The following ANAPC10 variants were observed in gnomAD, a reference collection of about 807,000 sequenced individuals.
The protein encoded by ANAPC10 is anaphase promoting complex subunit 10, also known as anaphase-promoting complex subunit 10.
Under a neutral mutation model 22.0 loss-of-function variants are expected in ANAPC10, and 12 were observed. That is an observed-to-expected ratio of 0.55 (90% CI 0.35 to 0.88). The LOEUF is 0.88. Among genes scored for constraint, ANAPC10 ranks in the 40% least tolerant of loss-of-function variants. ANAPC10 has a pLI of 0.01. For missense variants in ANAPC10, 188 were observed against 220.9 expected, an observed-to-expected ratio of 0.85 and a Z score of 0.94; for synonymous variants, 65 against 69.5, an observed-to-expected ratio of 0.94 and a Z score of 0.32.
intron 4 of ANAPC10, chr4:145,053,802 TG>T: frequency 1.6e-6 from 1 of 641,910 alleles, no homozygotes; most frequent in Non-Finnish European, 2.8e-6. Flanking sequence ...AAAAGGTTCC[TG>T]ACTAGGCTCA....
chr4:145,082,686 A>C (rs1311757192), intron 2 of ANAPC10, among the ~76,000 whole-genome samples: 1 of 152,208 alleles, frequency 6.6e-6, no homozygotes, highest in Non-Finnish European at 1.5e-5. Context: ...ATTTACCCAG[A>C]ATCCCATGTT....
At chr4:144,998,932 A>G (rs62343142) in intron 4 of ANAPC10, among the ~76,000 whole-genome samples, 42,441 of 152,066 alleles carry the variant, frequency 0.28, 7,443 homozygotes, top group Non-Finnish European at 0.38. Flanking sequence ...TGATAAAGCA[A>G]TATCACCACT....
intron 4 of ANAPC10, among the ~76,000 whole-genome samples, chr4:145,056,265 C>T (rs375440822): frequency 4.3e-4 from 65 of 152,294 alleles, no homozygotes; most frequent in African/African-American, 1.5e-3. Context: ...ACGAGAGTGA[C>T]CTCTGGTAGT....
At chr4:145,063,545 C>T (rs1184279251) in intron 4 of ANAPC10, among the ~76,000 whole-genome samples, 1 of 152,086 alleles carries the variant, frequency 6.6e-6, no homozygotes, top group Non-Finnish European at 1.5e-5. Context: ...TAACTGGAGG[C>T]CTTTCAAAGA....
At chr4:145,000,371 C>T (rs998064966) in intron 4 of ANAPC10, among the ~76,000 whole-genome samples, 4 of 151,626 alleles carry the variant, frequency 2.6e-5, no homozygotes, top group Non-Finnish European at 5.9e-5. Context: ...AAAAAAAAAC[C>T]ATCAAAAAGT....
Position 145,015,225 on chromosome 4 carries a change from T to C in ANAPC10, c.328-19622A>G, listed in dbSNP as rs193114899. ...GTGAAAGGAGAGATATTCAAGGAAATAGATAGCATAAAGAAAAAACAATCA... is the reference window on the plus strand; with the variant it reads ...GTGAAAGGAGAGATATTCAAGGAAACAGATAGCATAAAGAAAAAACAATCA... On this transcript the variant is annotated intron_variant, in intron 4 of 4. Coordinates refer to ENST00000507656, the MANE Select transcript of ANAPC10 (RefSeq NM_001256706.2). 4.3e-4 allele frequency among the ~76,000 whole-genome samples: 65 copies of C among 151,852 alleles called. No homozygotes were observed. In the East Asian group the frequency reaches 0.012, roughly 29 times the overall value.
intron 4 of ANAPC10, among the ~76,000 whole-genome samples, chr4:145,040,984 C>A (rs17019852): frequency 0.24 from 36,322 of 151,804 alleles, 5,404 homozygotes; most frequent in East Asian, 0.45. Context: ...TACAGATCTA[C>A]GCAGAGGTAA....
intron 4 of ANAPC10, among the ~76,000 whole-genome samples, chr4:144,997,141 G>A (rs1215414002): frequency 1.3e-5 from 2 of 152,306 alleles, no homozygotes; most frequent in Non-Finnish European, 1.5e-5. Flanking sequence ...CGGCCAGAAT[G>A]GAACCAAGGT....
At chr4:145,044,058 CT>C (rs1487773970) in intron 4 of ANAPC10, among the ~76,000 whole-genome samples, 2 of 152,080 alleles carry the variant, frequency 1.3e-5, no homozygotes, top group African/African-American at 2.4e-5. Context: ...CTTCCCAACA[CT>C]TTCCCCCTTC....
At chr4:145,043,107 A>T (rs548464539) in intron 4 of ANAPC10, among the ~76,000 whole-genome samples, 1 of 152,022 alleles carries the variant, frequency 6.6e-6, no homozygotes, top group Admixed American at 6.6e-5. Flanking sequence ...AAACAGTATT[A>T]TTTGCTAAAA....
intron 4 of ANAPC10, among the ~76,000 whole-genome samples, chr4:145,054,628 TGTGTG>T (rs1741692189): frequency 1.6e-5 from 2 of 127,690 alleles, no homozygotes; most frequent in Non-Finnish European, 3.4e-5. Flanking sequence ...TGTGTGTGTG[TGTGTG>T]TGTGTGTGCG....
intron 3 of ANAPC10, among the ~76,000 whole-genome samples, chr4:145,071,924 CA>C (rs747879037): frequency 6.6e-6 from 1 of 152,056 alleles, no homozygotes; most frequent in Non-Finnish European, 1.5e-5. Context: ...ATGGCAATTA[CA>C]GACTTTCCTT....
intron 4 of ANAPC10, among the ~76,000 whole-genome samples, chr4:145,022,158 A>G (rs1007507163): frequency 3.3e-5 from 5 of 152,184 alleles, no homozygotes; most frequent in Non-Finnish European, 7.3e-5. Context: ...AATACTGGGT[A>G]TCTACCCAGA....
chr4:145,018,662 A>G (rs1735571996), intron 4 of ANAPC10, among the ~76,000 whole-genome samples: 1 of 152,108 alleles, frequency 6.6e-6, no homozygotes, highest in Admixed American at 6.6e-5. Flanking sequence ...AAAAAAAAAA[A>G]AAAAATTTCA....
At position 145,097,703 on chromosome 4, in the gene ANAPC10, G is replaced by C. The variant is rs900417883; in HGVS notation, c.-13+417C>G. On this transcript the variant is annotated intron_variant, in intron 1 of 4. Coordinates refer to ENST00000507656, the MANE Select transcript of ANAPC10 (RefSeq NM_001256706.2). ...TGTCACTTGCCTGCAAGTTAGGTGA[G>C]ATCTAGGGCGAGACTATTCAACCTG... The C allele has an allele frequency of 7.3e-5, 29 of 395,716 alleles. No homozygotes were observed. The Admixed American group carries it at 8.0e-4, about 11-fold the overall frequency. The allele number at this position is 395,716 out of a possible 1,614,324, so 24.5% of individuals were successfully genotyped here.
At chr4:145,006,911 T>C (rs1438620881) in intron 4 of ANAPC10, among the ~76,000 whole-genome samples, 1 of 152,106 alleles carries the variant, frequency 6.6e-6, no homozygotes. Flanking sequence ...GCATTCCTCA[T>C]AGTTCTGTCC....
intron 4 of ANAPC10, among the ~76,000 whole-genome samples, chr4:145,016,717 A>T (rs911404111): frequency 8.5e-5 from 13 of 152,192 alleles, no homozygotes; most frequent in African/African-American, 3.1e-4. Flanking sequence ...CTCACTTCAA[A>T]CTATACTACA....
chr4:145,065,481 G>C (rs1377019474), intron 3 of ANAPC10, among the ~76,000 whole-genome samples: 1 of 151,936 alleles, frequency 6.6e-6, no homozygotes, highest in African/African-American at 2.4e-5. Context: ...CACAACCTTT[G>C]ACCTACTAAT....
At chr4:145,006,209 C>T (rs921544919) in intron 4 of ANAPC10, among the ~76,000 whole-genome samples, 1 of 151,750 alleles carries the variant, frequency 6.6e-6, no homozygotes, top group Non-Finnish European at 1.5e-5. Flanking sequence ...TATGTAATGC[C>T]CTTTTTGTCT....
Sources: allele counts gnomAD v4.1 joint callset (sites outside exome capture counted in the v4.1 genomes callset), GRCh38; gene constraint gnomAD v4.1.1; transcripts MANE v1.5; gene names NCBI Gene and HGNC (gene_info 2026-07-23, HGNC 2026-07-21).